The following TTLL11 variants were observed in gnomAD, a reference collection of about 807,000 sequenced individuals.
TTLL11 encodes tubulin tyrosine ligase like 11.
Under a neutral mutation model 51.7 loss-of-function variants are expected in TTLL11, and 42 were observed. The observed-to-expected ratio is 0.81, with a 90% CI of 0.64 to 1.05. The LOEUF is 1.05. TTLL11 is among the 50% of genes least tolerant of loss of function. The pLI, the probability that TTLL11 is intolerant of heterozygous loss-of-function variation, is 0.00. For missense variants in TTLL11, 799 were observed against 940.4 expected (o/e 0.85, Z 1.97); for synonymous variants, 381 against 383.5 (o/e 0.99, Z 0.08).
At chr9:121,837,378 G>A (rs548086125) in intron 8 of TTLL11, among the ~76,000 whole-genome samples, 136 of 152,260 alleles carry the variant, frequency 8.9e-4, no homozygotes, top group Non-Finnish European at 1.7e-3. Context: ...GATCTTCAAG[G>A]ATCAGCACTG....
At chr9:121,842,201 C>T (rs2131357406) in intron 8 of TTLL11, among the ~76,000 whole-genome samples, 1 of 152,118 alleles carries the variant, frequency 6.6e-6, no homozygotes, top group South Asian at 2.1e-4. Flanking sequence ...GAGTCCCTCA[C>T]ATGTAAAACA....
At chr9:122,017,548 C>A (rs1263623837) in intron 3 of TTLL11, among the ~76,000 whole-genome samples, 1 of 150,838 alleles carries the variant, frequency 6.6e-6, no homozygotes, top group Non-Finnish European at 1.5e-5. Flanking sequence ...CTGCAACCTC[C>A]GTCTTCCTGT....
intron 6 of TTLL11, among the ~76,000 whole-genome samples, chr9:121,937,239 GGTTGACTTTCACTTTGT>G (rs1841269573): frequency 6.6e-6 from 1 of 152,042 alleles, no homozygotes; most frequent in Non-Finnish European, 1.5e-5. Flanking sequence ...AGCTATTTTT[GGTTGACTTTCACTTTGT>G]GCCAGATACT....
chr9:121,924,170 T>C (rs532553699), intron 6 of TTLL11, among the ~76,000 whole-genome samples: 28 of 152,178 alleles, frequency 1.8e-4, no homozygotes, highest in Non-Finnish European at 3.8e-4. Context: ...ATATAAGAAG[T>C]AATTGGCTTT....
At chr9:122,034,907 C>G (rs1301277769) in intron 2 of TTLL11, among the ~76,000 whole-genome samples, 1 of 152,222 alleles carries the variant, frequency 6.6e-6, no homozygotes, top group East Asian at 1.9e-4. Context: ...AGGACCAATT[C>G]TGAACTGAGA....
In TTLL11 at chr9:122,055,958, G is replaced by A. The variant is rs528302431; in HGVS notation, c.463-16590C>T. On this transcript the variant is annotated intron_variant, in intron 1 of 8. Transcript: ENST00000321582. ...AGCCCAAGTTGCTGGTCCTGTGTGTGGCCACTAACTTGCGGAGCTGCCTCG... is the reference window on the plus strand; with the variant it reads ...AGCCCAAGTTGCTGGTCCTGTGTGTAGCCACTAACTTGCGGAGCTGCCTCG... Among the ~76,000 whole-genome samples, 22 of 152,330 alleles carry A rather than the reference G, an allele frequency of 1.4e-4. No individual in the cohort carries two copies. In the South Asian group the frequency reaches 4.6e-3, roughly 32 times the overall value.
chr9:121,870,553 G>A lies in TTLL11; in HGVS notation c.1677C>T (p.Phe559=). 1.9e-6 allele frequency: 3 copies of A among 1,551,676 alleles called. No individual in the cohort carries two copies. Among genetic ancestry groups the A allele is most frequent in the Non-Finnish European group, 2.6e-6 (3 of 1,146,998 alleles). ...ACTTCATTGTCCCCTTGATGCCCAG[G>A]AACCGGATAAACAAATTTGCCATCC... is the stretch of plus-strand genomic sequence containing the variant. ...VDRMANLFIR[F]LGIKGTMKLG... Residue 559 remains phenylalanine, a synonymous_variant, in exon 7 of 9, where the codon TTC becomes TTT. Coordinates refer to ENST00000321582, the MANE Select transcript of TTLL11 (RefSeq NM_001139442.2).
rs186833508 is a variant in TTLL11 at position 121,839,435 on chromosome 9, C to T, written c.1841-16556G>A. ...CACATTGCGGGGTGATCTTCGCTTACTCACTGCCCAGCTGGGAGCCTCAGT... is the reference window on the plus strand; with the variant it reads ...CACATTGCGGGGTGATCTTCGCTTATTCACTGCCCAGCTGGGAGCCTCAGT... On this transcript the variant is annotated intron_variant, in intron 8 of 8. Transcript: ENST00000321582. 3.3e-3 allele frequency among the ~76,000 whole-genome samples: 503 copies of T among 152,318 alleles called. 4 individuals carry two copies. The highest frequency in any genetic ancestry group is 5.5e-3 in the Non-Finnish European group (375 of 68,038).
At chr9:122,067,432 T>A (rs1280996551) in intron 1 of TTLL11, among the ~76,000 whole-genome samples, 1 of 152,160 alleles carries the variant, frequency 6.6e-6, no homozygotes, top group Non-Finnish European at 1.5e-5. Flanking sequence ...TTTGCATTGG[T>A]TTATAAATCT....
At chr9:122,079,397 T>G (rs577408024) in intron 1 of TTLL11, among the ~76,000 whole-genome samples, 19 of 152,242 alleles carry the variant, frequency 1.2e-4, no homozygotes, top group African/African-American at 4.6e-4. Flanking sequence ...CAGAAATATT[T>G]TGACAAAACC....
intron 1 of TTLL11, among the ~76,000 whole-genome samples, chr9:122,040,638 G>C (rs1234686567): frequency 3.9e-5 from 6 of 152,070 alleles, no homozygotes; most frequent in Admixed American, 3.9e-4. Context: ...TTCAAGTTGA[G>C]GGGCCAAGGT....
At chr9:121,876,452 AG>A (rs1207072355) in intron 6 of TTLL11, among the ~76,000 whole-genome samples, 1 of 152,228 alleles carries the variant, frequency 6.6e-6, no homozygotes. Context: ...CCTGTCACCC[AG>A]AAGCATGGGA....
chr9:121,879,279 C>T (rs1838684195), intron 6 of TTLL11, among the ~76,000 whole-genome samples: 1 of 152,162 alleles, frequency 6.6e-6, no homozygotes, highest in Admixed American at 6.5e-5. Context: ...CACTCCCCAT[C>T]CCATGTAACC....
rs567808218 is a variant in TTLL11, at chr9:121,888,175, G to C, written c.1482-17427C>G. On this transcript the variant is annotated intron_variant, in intron 6 of 8. Transcript: ENST00000321582. ...TCCTGGCTGACTGAGAAGGTCCCAA[G>C]GCCAAGTCTTTATAGCTCAGAAGGC... 4.6e-5 allele frequency among the ~76,000 whole-genome samples: 7 copies of C among 152,300 alleles called. No individual in the cohort carries two copies. The East Asian group carries it at 9.7e-4, about 21-fold the overall frequency.
intron 6 of TTLL11, among the ~76,000 whole-genome samples, chr9:121,895,203 T>C (rs1839412599): frequency 6.6e-6 from 1 of 152,242 alleles, no homozygotes; most frequent in Non-Finnish European, 1.5e-5. Flanking sequence ...CTTGAAAAGA[T>C]GTCTGGAACG....
chr9:122,061,564 T>C (rs181301803), intron 1 of TTLL11, among the ~76,000 whole-genome samples: 1 of 152,364 alleles, frequency 6.6e-6, no homozygotes, highest in Admixed American at 6.5e-5. Context: ...TTGATGGATG[T>C]GAAATGGTAG....
intron 3 of TTLL11, among the ~76,000 whole-genome samples, chr9:121,996,486 CAT>C (rs1400263227): frequency 2.6e-5 from 4 of 152,112 alleles, no homozygotes; most frequent in African/African-American, 7.2e-5. Flanking sequence ...CATGCACACA[CAT>C]GTATAGAGTA....
intron 6 of TTLL11, among the ~76,000 whole-genome samples, chr9:121,885,817 C>T (rs1838989132): frequency 6.6e-6 from 1 of 152,324 alleles, no homozygotes; most frequent in South Asian, 2.1e-4. Context: ...CAGCCCCAAA[C>T]TCCTGGCCTC....
At chr9:122,023,906 G>A (rs73552017) in intron 3 of TTLL11, among the ~76,000 whole-genome samples, 6,636 of 152,128 alleles carry the variant, frequency 0.044, 286 homozygotes, top group Admixed American at 0.12. Flanking sequence ...AAAAAGTCCC[G>A]GACATCTGTT....
Sources: allele counts gnomAD v4.1 joint callset (sites outside exome capture counted in the v4.1 genomes callset), GRCh38; gene constraint gnomAD v4.1.1; transcripts MANE v1.5; gene names NCBI Gene and HGNC (gene_info 2026-07-23, HGNC 2026-07-21).